Variants in OXSR1 observed in about 807,000 individuals in gnomAD.
OXSR1 encodes the protein serine/threonine-protein kinase OSR1.
OXSR1 carries 24 observed loss-of-function variants against 79.8 expected under a neutral mutation model. That is an observed-to-expected ratio of 0.30 (90% CI 0.22 to 0.42). The LOEUF is 0.42. OXSR1 is among the 10% of genes least tolerant of loss of function. The pLI is 1.00. For synonymous variants in OXSR1, 226 were observed against 209.2 expected (o/e 1.08, Z -0.69); for missense variants, 430 against 618.4 (o/e 0.70, Z 3.23).
chr3:38,192,107 C>T (rs749727183), intron 3 of OXSR1, among the ~76,000 whole-genome samples: 6 of 152,030 alleles, frequency 3.9e-5, no homozygotes, highest in Non-Finnish European at 7.4e-5. Context: ...TTGGGTAGGG[C>T]CTTCACTTTT....
At chr3:38,232,288 G>T (rs1702825186) in intron 10 of OXSR1, among the ~76,000 whole-genome samples, 1 of 151,916 alleles carries the variant, frequency 6.6e-6, no homozygotes, top group African/African-American at 2.4e-5. Flanking sequence ...GAGCTATGGT[G>T]GCATACACCT....
intron 3 of OXSR1, among the ~76,000 whole-genome samples, chr3:38,193,958 A>T (rs1702029320): frequency 6.6e-6 from 1 of 152,216 alleles, no homozygotes; most frequent in Non-Finnish European, 1.5e-5. Context: ...ATGAATAAAC[A>T]TTTAAACTGA....
intron 4 of OXSR1, among the ~76,000 whole-genome samples, chr3:38,210,052 GT>G (rs756035025): frequency 2.3e-4 from 33 of 144,602 alleles, no homozygotes; most frequent in East Asian, 4.0e-4. Context: ...TTCTAGGTTG[GT>G]TTTTTTTTTT....
intron 4 of OXSR1, among the ~76,000 whole-genome samples, chr3:38,214,297 A>G (rs1373264304): frequency 1.3e-5 from 2 of 151,992 alleles, no homozygotes; most frequent in Non-Finnish European, 2.9e-5. Flanking sequence ...CTATTTGCAG[A>G]ATGCTTCCTG....
intron 4 of OXSR1, among the ~76,000 whole-genome samples, chr3:38,199,942 G>A (rs769470522): frequency 6.6e-6 from 1 of 152,226 alleles, no homozygotes; most frequent in African/African-American, 2.4e-5. Context: ...GGGATGGAAG[G>A]CTCTTCCCTT....
chr3:38,186,832 G>C lies in OXSR1; in HGVS notation c.183+3717G>C, dbSNP rs1392502960. ...TTATCTTGAGTATATACCTAAGAGT[G>C]GAATTGCTGGGTAATATGGTAACTC... On this transcript the variant is annotated intron_variant, in intron 2 of 17. Coordinates refer to ENST00000311806, the MANE Select transcript of OXSR1 (RefSeq NM_005109.3). Among the ~76,000 whole-genome samples the C allele has an allele frequency of 2.0e-5, 3 of 152,132 alleles. 1 individual carries two copies. Among genetic ancestry groups the C allele is most frequent in the Non-Finnish European group, 4.4e-5 (3 of 68,016 alleles).
chr3:38,204,136 G>A (rs1037363399), intron 4 of OXSR1, among the ~76,000 whole-genome samples: 3 of 152,132 alleles, frequency 2.0e-5, no homozygotes, highest in African/African-American at 7.2e-5. Context: ...CTCATGGCAG[G>A]TACTGCCTGG....
intron 11 of OXSR1, among the ~76,000 whole-genome samples, chr3:38,241,831 G>A (rs1703042136): frequency 6.7e-6 from 1 of 148,852 alleles, no homozygotes; most frequent in African/African-American, 2.5e-5. Context: ...AAGGTTTTGG[G>A]TTGGTCACTT....
In OXSR1 at chr3:38,254,296, A is replaced by G. The variant is rs1443463121; in HGVS notation, c.*1405A>G. On this transcript the variant is annotated 3_prime_UTR_variant, in exon 18 of 18. Coordinates refer to ENST00000311806, the MANE Select transcript of OXSR1 (RefSeq NM_005109.3). ...GTTTTACCTTATTTTCTCTTGGAAC[A>G]TATCTGAAAACCTTCCCCACAAATA... The G allele has an allele frequency of 1.3e-5, 5 of 398,462 alleles. No homozygotes were observed. 24.7% of individuals were successfully genotyped at this position (398,462 alleles called of 1,614,324 possible).
At chr3:38,216,242 G>C in intron 5 of OXSR1, 91 bp downstream of exon 5, 1 of 823,590 alleles carries the variant, frequency 1.2e-6, no homozygotes, top group Non-Finnish European at 2.0e-6. Flanking sequence ...ATTCTCTCCT[G>C]TTCCCTGGAC....
chr3:38,178,111 G>T (rs141661093), intron 1 of OXSR1, among the ~76,000 whole-genome samples: 1 of 151,770 alleles, frequency 6.6e-6, no homozygotes, highest in African/African-American at 2.4e-5. Context: ...ACGACACCCA[G>T]CTAATTTTTG....
chr3:38,244,534 AT>A (rs1703096138), intron 12 of OXSR1, among the ~76,000 whole-genome samples: 1 of 151,684 alleles, frequency 6.6e-6, no homozygotes, highest in Non-Finnish European at 1.5e-5. Flanking sequence ...AGTATTTGTC[AT>A]TTTGTGACCG....
intron 3 of OXSR1, 70 bp downstream of exon 3, chr3:38,190,909 T>C (rs1701969882): frequency 2.4e-6 from 2 of 838,502 alleles, no homozygotes; most frequent in Non-Finnish European, 4.0e-6. Flanking sequence ...CCTTCTTTTC[T>C]ATCCTGATTT....
At chr3:38,198,916 A>G in intron 4 of OXSR1, 53 bp downstream of exon 4, 1 of 1,476,650 alleles carries the variant, frequency 6.8e-7, no homozygotes, top group Non-Finnish European at 9.4e-7. Context: ...GGCCATTCCC[A>G]CTCTTTTACA....
chr3:38,229,275 C>G (rs1702756669), intron 8 of OXSR1, among the ~76,000 whole-genome samples: 1 of 151,950 alleles, frequency 6.6e-6, no homozygotes, highest in Non-Finnish European at 1.5e-5. Flanking sequence ...TTGATTTGGT[C>G]CATTTCCTCT....
intron 3 of OXSR1, among the ~76,000 whole-genome samples, chr3:38,194,340 A>G (rs925678850): frequency 6.6e-6 from 1 of 152,168 alleles, no homozygotes; most frequent in Non-Finnish European, 1.5e-5. Context: ...GCTTTAGGCC[A>G]GGAGTTCAAC....
At chr3:38,179,413 C>T (rs1019282842) in intron 1 of OXSR1, among the ~76,000 whole-genome samples, 1 of 152,088 alleles carries the variant, frequency 6.6e-6, no homozygotes, top group South Asian at 2.1e-4. Flanking sequence ...GCAGTCCTCC[C>T]GCCTTGGCCT....
chr3:38,251,374 A>T, intron 15 of OXSR1, 29 bp from the exon 16 acceptor site: 2 of 1,600,648 alleles, frequency 1.2e-6, no homozygotes, highest in East Asian at 2.2e-5. Context: ...CGCACAAAAA[A>T]CAGAGCACTG....
rs112035003 is a variant in OXSR1 at position 38,244,637 on chromosome 3, C to CTGTGTGTGTGTGTGTGTGTGTG, written c.1111-1429_1111-1408dup. Among the ~76,000 whole-genome samples, 441 of 99,466 alleles carry CTGTGTGTGTGTGTGTGTGTGTG rather than the reference C, an allele frequency of 4.4e-3. 3 individuals carry two copies. Among genetic ancestry groups the CTGTGTGTGTGTGTGTGTGTGTG allele is most frequent in the African/African-American group, 0.013 (416 of 31,534 alleles). 65.3% of individuals were successfully genotyped at this position (99,466 alleles called of 152,430 possible). A position where few individuals can be genotyped will look rare whatever the true frequency, so the allele number is the denominator to read the frequency against. ...CTTTTTAAGGGTCAGTAATATTCCT[C>CTGTGTGTGTGTGTGTGTGTGTG]TGTGTGTGTGTGTGTGTGTGTGTGT... On this transcript the variant is annotated intron_variant, in intron 12 of 17. Transcript: ENST00000311806.
Sources: allele counts gnomAD v4.1 joint callset (sites outside exome capture counted in the v4.1 genomes callset), GRCh38; gene constraint gnomAD v4.1.1; transcripts MANE v1.5; gene names NCBI Gene and HGNC (gene_info 2026-07-23, HGNC 2026-07-21).